The following PRKAR1A variants were observed in gnomAD, a reference collection of about 807,000 sequenced individuals.
The protein encoded by PRKAR1A is protein kinase cAMP-dependent type I regulatory subunit alpha.
A neutral mutation model predicts 52.0 loss-of-function variants in PRKAR1A; 3 were observed. The ratio of observed to expected loss-of-function variants is 0.06; its 90% CI spans 0.03 to 0.15. The LOEUF is 0.15. Among genes scored for constraint, PRKAR1A ranks in the 10% least tolerant of loss-of-function variants. The probability of loss-of-function intolerance (pLI) is 1.00; values close to 1 mark genes in which losing one functional copy is unlikely to be tolerated. For missense variants in PRKAR1A, 240 were observed against 477.4 expected, an observed-to-expected ratio of 0.50 and a Z score of 4.63; for synonymous variants, 188 against 168.4, an observed-to-expected ratio of 1.12 and a Z score of -0.90.
At chr17:68,510,014 G>GT (rs1340036348), upstream of PRKAR1A, among the ~76,000 whole-genome samples, 2 of 152,336 alleles carry the variant, frequency 1.3e-5, no homozygotes, top group Admixed American at 1.3e-4. Flanking sequence ...CACTTGGAAG[G>GT]TAACACTAAT....
At chr17:68,542,927 T>G in intron 11 of PRKAR1A, 1 of 776,218 alleles carries the variant, frequency 1.3e-6, no homozygotes, top group Non-Finnish European at 2.3e-6. Context: ...GGGTGGCCGG[T>G]GAGGCGTGAC....
At chr17:68,515,237 ATTT>A in intron 1 of PRKAR1A, 154 bp from the exon 2 acceptor site, 1 of 720,432 alleles carries the variant, frequency 1.4e-6, no homozygotes, top group Non-Finnish European at 2.4e-6. Context: ...TTCTGTACAT[ATTT>A]TATTCCCTAG....
the PRKAR1A span, among the ~76,000 whole-genome samples, chr17:68,462,529 T>C: frequency 6.6e-6 from 1 of 152,220 alleles, no homozygotes; most frequent in East Asian, 1.9e-4. Context: ...TGGAGCGTCA[T>C]AGATCTTCTC....
At chr17:68,479,171 G>A in the PRKAR1A span, among the ~76,000 whole-genome samples, 1 of 152,192 alleles carries the variant, frequency 6.6e-6, no homozygotes, top group Non-Finnish European at 1.5e-5. Flanking sequence ...GGTAATTACA[G>A]CTATTATTTT....
At chr17:68,455,139 A>G in the PRKAR1A span, among the ~76,000 whole-genome samples, 54 of 152,274 alleles carry the variant, frequency 3.5e-4, no homozygotes, top group African/African-American at 1.3e-3. Context: ...AGGTGGGTGG[A>G]TCACTTGAGG....
At chr17:68,528,314 A>G (rs2085854230) in intron 8 of PRKAR1A, among the ~76,000 whole-genome samples, 1 of 152,204 alleles carries the variant, frequency 6.6e-6, no homozygotes, top group Non-Finnish European at 1.5e-5. Flanking sequence ...GGATTTTTAT[A>G]AGGTAACAGG....
downstream of PRKAR1A, chr17:68,533,510 TTTA>T: frequency 1.2e-6 from 1 of 829,866 alleles, no homozygotes; most frequent in South Asian, 5.7e-5. Context: ...TTTTGTTTCT[TTTA>T]TTTTTTAATG....
At chr17:68,529,883 T>A (rs1205298491) in intron 9 of PRKAR1A, 37 bp from the exon 10 acceptor site, 2 of 1,539,602 alleles carry the variant, frequency 1.3e-6, no homozygotes, top group East Asian at 2.3e-5. Context: ...GGTTTGAGAG[T>A]GTGTGTTTGT....
At position 68,523,731 on chromosome 17, in the gene PRKAR1A, C is replaced by A. The variant is rs1253034687; in HGVS notation, c.355C>A (p.Pro119Thr). The A allele has an allele frequency of 6.2e-7, 1 of 1,612,660 alleles. No homozygotes were observed. The highest frequency in any genetic ancestry group is 8.5e-7 in the Non-Finnish European group (1 of 1,179,328). The change falls in exon 4 of 11, where the codon CCA becomes ACA. Residue 119 changes from proline (P) to threonine (T), a missense_variant. Physicochemically the swap from Pro to Thr is conservative, Grantham distance 38 (BLOSUM62 -1). Coordinates refer to ENST00000589228, the MANE Select transcript of PRKAR1A (RefSeq NM_002734.5). Reference sequence around the variant, plus strand: ...ACCTTCAGTTCTTTTCTAGGTTATACCAAAAGATTACAAGACAATGGCCGC... The same window carrying A: ...ACCTTCAGTTCTTTTCTAGGTTATAACAAAAGATTACAAGACAATGGCCGC... ...DAASYVRKVI[P>T]KDYKTMAALA...
chr17:68,470,437 G>A, the PRKAR1A span, among the ~76,000 whole-genome samples: 1 of 152,274 alleles, frequency 6.6e-6, no homozygotes, highest in Admixed American at 6.5e-5. Context: ...GAGAGTCTTG[G>A]GTAAACCCAG....
the PRKAR1A span, among the ~76,000 whole-genome samples, chr17:68,470,973 G>A: frequency 2.6e-5 from 4 of 152,116 alleles, no homozygotes; most frequent in Non-Finnish European, 5.9e-5. Context: ...CAAAATGGGA[G>A]GGAAAAACTC....
At chr17:68,486,509 CTTTCTTTCTTTCTT>C in the PRKAR1A span, among the ~76,000 whole-genome samples, 10 of 43,428 alleles carry the variant, frequency 2.3e-4, 1 homozygote, top group South Asian at 4.7e-3. Context: ...TTCCTTCCTT[CTTTCTTTCTTTCTT>C]TCTTTCTTTC....
chr17:68,439,477 T>G, the PRKAR1A span, among the ~76,000 whole-genome samples: 3 of 152,060 alleles, frequency 2.0e-5, no homozygotes, highest in Non-Finnish European at 4.4e-5. Context: ...TGCCTATGGC[T>G]GGGGGCATAG....
the PRKAR1A span, among the ~76,000 whole-genome samples, chr17:68,505,359 A>T: frequency 6.6e-6 from 1 of 152,192 alleles, no homozygotes; most frequent in Non-Finnish European, 1.5e-5. Flanking sequence ...GGGGAAGGAG[A>T]GAGGGATAAA....
At chr17:68,469,124 G>C in the PRKAR1A span, among the ~76,000 whole-genome samples, 9 of 152,112 alleles carry the variant, frequency 5.9e-5, no homozygotes, top group Admixed American at 5.2e-4. Context: ...GGAAAATTGA[G>C]AGAGTCATTT....
chr17:68,523,835 T>C lies in PRKAR1A; in HGVS notation c.440+19T>C. On this transcript the variant is annotated intron_variant, in intron 4 of 10. Coordinates refer to ENST00000589228, the MANE Select transcript of PRKAR1A (RefSeq NM_002734.5). ...AGAGAAGGTAGGAACAGGCTCTTTC[T>C]TAACACTATTTTTCAAGTAAGGGTG... 2 of 1,609,568 alleles carry C rather than the reference T, an allele frequency of 1.2e-6. No individual in the cohort carries two copies. Among genetic ancestry groups the C allele is most frequent in the Non-Finnish European group, 8.5e-7 (1 of 1,176,002 alleles).
At chr17:68,514,295 A>C (rs190141877) in intron 1 of PRKAR1A, among the ~76,000 whole-genome samples, 1 of 152,208 alleles carries the variant, frequency 6.6e-6, no homozygotes, top group African/African-American at 2.4e-5. Flanking sequence ...TTACAGTTTC[A>C]TCTCAATAGT....
chr17:68,492,750 CAGA>C, the PRKAR1A span, among the ~76,000 whole-genome samples: 1 of 152,130 alleles, frequency 6.6e-6, no homozygotes, highest in Non-Finnish European at 1.5e-5. Flanking sequence ...GGGCATAAGG[CAGA>C]AGGAGAGACC....
At chr17:68,538,062 C>T (rs575191694), downstream of PRKAR1A, among the ~76,000 whole-genome samples, 1 of 152,288 alleles carries the variant, frequency 6.6e-6, no homozygotes, top group African/African-American at 2.4e-5. Context: ...TAGGATTTTT[C>T]AAGGAGATTT....
Sources: allele counts gnomAD v4.1 joint callset (sites outside exome capture counted in the v4.1 genomes callset), GRCh38; gene constraint gnomAD v4.1.1; transcripts MANE v1.5; gene names NCBI Gene and HGNC (gene_info 2026-07-23, HGNC 2026-07-21).